Variants in GALNT1 observed in about 807,000 individuals in gnomAD.
The protein encoded by GALNT1 is GalNAc transferase 1.
A neutral mutation model predicts 65.7 loss-of-function variants in GALNT1; 17 were observed. The ratio of observed to expected loss-of-function variants is 0.26; its 90% confidence interval spans 0.18 to 0.39. GALNT1 has a LOEUF of 0.39. GALNT1 is among the 10% of genes least tolerant of loss of function. GALNT1 has a pLI of 1.00. For missense variants in GALNT1, 460 were observed against 672.8 expected (o/e 0.68, Z 3.50); for synonymous variants, 210 against 219.7 (o/e 0.96, Z 0.39).
chr18:35,654,154 G>A (rs2047347112), intron 1 of GALNT1, among the ~76,000 whole-genome samples: 1 of 152,170 alleles, frequency 6.6e-6, no homozygotes, highest in Non-Finnish European at 1.5e-5. Flanking sequence ...CAGTTGAGTA[G>A]GAAGGTAGTT....
intron 1 of GALNT1, among the ~76,000 whole-genome samples, chr18:35,639,426 G>A (rs745977991): frequency 6.6e-6 from 1 of 152,220 alleles, no homozygotes. Flanking sequence ...ATGCTGTTGC[G>A]TACACACTGC....
chr18:35,677,859 C>A (rs2047732583), intron 4 of GALNT1, 102 bp downstream of exon 4: 2 of 805,726 alleles, frequency 2.5e-6, no homozygotes, highest in Admixed American at 3.5e-5. Context: ...ATACAAAATT[C>A]TAATTTATCC....
At chr18:35,640,064 C>A (rs901604731) in intron 1 of GALNT1, among the ~76,000 whole-genome samples, 1 of 152,158 alleles carries the variant, frequency 6.6e-6, no homozygotes, top group Non-Finnish European at 1.5e-5. Context: ...TCCCAAAGTG[C>A]TAGGATTACA....
chr18:35,675,556 T>C (rs933853787), intron 3 of GALNT1, among the ~76,000 whole-genome samples: 1 of 152,216 alleles, frequency 6.6e-6, no homozygotes, highest in Non-Finnish European at 1.5e-5. Flanking sequence ...AAGTAGTAAA[T>C]TTGGGTTATC....
chr18:35,615,077 T>C (rs2046766702), intron 1 of GALNT1, among the ~76,000 whole-genome samples: 1 of 152,164 alleles, frequency 6.6e-6, no homozygotes, highest in South Asian at 2.1e-4. Flanking sequence ...CAGCAGGGTA[T>C]GGTTTTGTTT....
At position 35,658,328 on chromosome 18, in the gene GALNT1, A is replaced by G. The variant is rs975530942; in HGVS notation, c.139+3527A>G. ...CTGGGGGTGTCAGGGTGTTCAGGGG[A>G]CAGACTGAGAAGGACCTCCAAGCGT... On this transcript the variant is annotated intron_variant, in intron 2 of 11. Transcript: ENST00000269195. Among the ~76,000 whole-genome samples the G allele has an allele frequency of 2.0e-5, 3 of 152,264 alleles. No individual in the cohort carries two copies. The South Asian group carries it at 6.2e-4, about 32-fold the overall frequency.
intron 8 of GALNT1, 131 bp from the exon 9 acceptor site, chr18:35,692,050 C>T (rs2047972614): frequency 4.3e-6 from 3 of 693,564 alleles, no homozygotes; most frequent in Non-Finnish European, 7.2e-6. Flanking sequence ...CATGGTGTCT[C>T]CACTTGTATA....
At chr18:35,619,178 C>T (rs1011330120) in intron 1 of GALNT1, among the ~76,000 whole-genome samples, 1 of 152,080 alleles carries the variant, frequency 6.6e-6, no homozygotes, top group African/African-American at 2.4e-5. Flanking sequence ...CTGTAACATG[C>T]TAATATATGT....
intron 1 of GALNT1, among the ~76,000 whole-genome samples, chr18:35,604,936 A>G (rs866243406): frequency 6.6e-6 from 1 of 152,192 alleles, no homozygotes; most frequent in South Asian, 2.1e-4. Flanking sequence ...CTCCCTACCT[A>G]TATCACTAGA....
chr18:35,707,440 C>A (rs899361379), intron 11 of GALNT1, among the ~76,000 whole-genome samples: 1 of 152,150 alleles, frequency 6.6e-6, no homozygotes, highest in Admixed American at 6.5e-5. Context: ...CAGCATCCTA[C>A]CCACAAGGTT....
At chr18:35,693,043 G>A (rs2047993562) in intron 9 of GALNT1, among the ~76,000 whole-genome samples, 1 of 152,206 alleles carries the variant, frequency 6.6e-6, no homozygotes, top group Non-Finnish European at 1.5e-5. Flanking sequence ...GAGTAAGACA[G>A]ATTATGAAAG....
At chr18:35,624,000 A>G (rs149930238) in intron 1 of GALNT1, among the ~76,000 whole-genome samples, 362 of 152,202 alleles carry the variant, frequency 2.4e-3, no homozygotes, top group Middle Eastern at 0.01. Context: ...TTGACCCTCA[A>G]TTCTCTCTTC....
At chr18:35,603,886 G>A (rs1438874978) in intron 1 of GALNT1, among the ~76,000 whole-genome samples, 1 of 152,144 alleles carries the variant, frequency 6.6e-6, no homozygotes, top group Non-Finnish European at 1.5e-5. Flanking sequence ...TAGTAATGCA[G>A]AATTAGAATG....
intron 1 of GALNT1, among the ~76,000 whole-genome samples, chr18:35,584,975 C>T (rs2046363569): frequency 6.6e-6 from 1 of 152,054 alleles, no homozygotes; most frequent in South Asian, 2.1e-4. Flanking sequence ...GCTGTAGTCT[C>T]AAGATAACTG....
intron 9 of GALNT1, among the ~76,000 whole-genome samples, chr18:35,697,083 T>C (rs1238826855): frequency 6.6e-6 from 1 of 152,210 alleles, no homozygotes. Flanking sequence ...CAGGTACAGC[T>C]AAGTTGCTAC....
At chr18:35,589,980 G>A (rs920211275) in intron 1 of GALNT1, among the ~76,000 whole-genome samples, 7 of 152,176 alleles carry the variant, frequency 4.6e-5, no homozygotes, top group African/African-American at 1.7e-4. Context: ...CATGGACTAG[G>A]TGAGTGCCAG....
At position 35,652,991 on chromosome 18, in the gene GALNT1, A is replaced by G. The variant is rs73418874; in HGVS notation, c.-103-1569A>G. On this transcript the variant is annotated intron_variant, in intron 1 of 11. Coordinates refer to ENST00000269195, the MANE Select transcript of GALNT1 (RefSeq NM_020474.4). ...GAGGCAGCTTTTCATATGAAATAAC[A>G]CAAAATATAAATGTATGTATATAGT... Among the ~76,000 whole-genome samples, 1,155 of 152,324 alleles carry G rather than the reference A, an allele frequency of 7.6e-3. 15 individuals carry two copies. The highest frequency in any genetic ancestry group is 0.026 in the African/African-American group (1,066 of 41,572).
intron 1 of GALNT1, among the ~76,000 whole-genome samples, chr18:35,615,184 C>A (rs1463718376): frequency 6.6e-6 from 1 of 151,982 alleles, no homozygotes; most frequent in Non-Finnish European, 1.5e-5. Flanking sequence ...ACTTGTCTTA[C>A]AAGATTTTAA....
In GALNT1 at chr18:35,646,927, TCTC is replaced by T. The variant is rs1013468462; in HGVS notation, c.-103-7628_-103-7626del. On this transcript the variant is annotated intron_variant, in intron 1 of 11. Transcript: ENST00000269195. ...TCACACTTAACGTTTCTTCCCATCT[TCTC>T]CTCCCCTCCAAAAATTGGTCCTTTT... 3.3e-5 allele frequency among the ~76,000 whole-genome samples: 5 copies of T among 152,200 alleles called. No homozygotes were observed. In the South Asian group the frequency reaches 6.2e-4, roughly 19 times the overall value.
Sources: allele counts gnomAD v4.1 joint callset (sites outside exome capture counted in the v4.1 genomes callset), GRCh38; gene constraint gnomAD v4.1.1; transcripts MANE v1.5; gene names NCBI Gene and HGNC (gene_info 2026-07-23, HGNC 2026-07-21).